The following AUTS2 variants were observed in gnomAD, a reference collection of about 807,000 sequenced individuals.
AUTS2 encodes autism susceptibility gene 2 protein.
AUTS2 carries 17 observed loss-of-function variants against 112.4 expected under a neutral mutation model. That is an observed-to-expected ratio of 0.15 (90% CI 0.10 to 0.23). The LOEUF (loss-of-function observed/expected upper bound fraction) is 0.23. Ranked by LOEUF, AUTS2 falls within the 10% of genes least tolerant of loss-of-function variation. The pLI, the probability that AUTS2 is intolerant of heterozygous loss-of-function variation, is 1.00. For synonymous variants in AUTS2, 751 were observed against 702.7 expected (o/e 1.07, Z -1.09); for missense variants, 1,510 against 1,701.6 (o/e 0.89, Z 1.98).
At chr7:69,625,557 G>A (rs564299531) in intron 1 of AUTS2, among the ~76,000 whole-genome samples, 67 of 152,232 alleles carry the variant, frequency 4.4e-4, no homozygotes, top group Admixed American at 6.5e-4. Context: ...AAACATGACG[G>A]ATTTCGAAAG....
intron 2 of AUTS2, among the ~76,000 whole-genome samples, chr7:69,947,073 C>T (rs1402799255): frequency 1.3e-5 from 2 of 152,260 alleles, no homozygotes; most frequent in South Asian, 2.1e-4. Flanking sequence ...TGCTTGTTGT[C>T]GTTACAGATG....
intron 4 of AUTS2, among the ~76,000 whole-genome samples, chr7:70,253,530 G>T (rs1252358493): frequency 6.6e-6 from 1 of 152,104 alleles, no homozygotes; most frequent in Non-Finnish European, 1.5e-5. Context: ...AGAACTTTGT[G>T]TGAGTATTGC....
At chr7:70,695,910 A>G (rs1233380427) in intron 5 of AUTS2, among the ~76,000 whole-genome samples, 1 of 152,192 alleles carries the variant, frequency 6.6e-6, no homozygotes, top group Non-Finnish European at 1.5e-5. Flanking sequence ...GATGAAAGGA[A>G]GTGAGTAAAA....
chr7:70,210,114 G>C (rs1396085944), intron 4 of AUTS2, among the ~76,000 whole-genome samples: 3 of 152,206 alleles, frequency 2.0e-5, no homozygotes, highest in South Asian at 2.1e-4. Context: ...GTCATTTGCT[G>C]GGGACCTTTT....
At chr7:70,495,084 T>A (rs1415577349) in intron 5 of AUTS2, among the ~76,000 whole-genome samples, 3 of 152,146 alleles carry the variant, frequency 2.0e-5, no homozygotes, top group Admixed American at 6.5e-5. Flanking sequence ...GAGTATTTTA[T>A]ATAAATAGAC....
At chr7:70,353,994 T>C (rs1181688357) in intron 4 of AUTS2, among the ~76,000 whole-genome samples, 1 of 152,238 alleles carries the variant, frequency 6.6e-6, no homozygotes, top group Non-Finnish European at 1.5e-5. Context: ...GAGTTATTAG[T>C]TATCAAAAAT....
rs962464114 is a variant in AUTS2 at position 70,295,104 on chromosome 7, A to C, written c.661-140648A>C. On this transcript the variant is annotated intron_variant, in intron 4 of 18. Transcript: ENST00000342771. ...GTGTATTCTCTATTTTTCTGCTCCC[A>C]GCTCATAAAATAGAATTGGAGTTTA... is the stretch of plus-strand genomic sequence containing the variant. 7.9e-5 allele frequency among the ~76,000 whole-genome samples: 12 copies of C among 152,342 alleles called. No individual in the cohort carries two copies. In the South Asian group the frequency reaches 2.3e-3, roughly 29 times the overall value.
At chr7:69,648,805 A>C (rs751325845) in intron 1 of AUTS2, among the ~76,000 whole-genome samples, 3 of 152,212 alleles carry the variant, frequency 2.0e-5, no homozygotes, top group Non-Finnish European at 4.4e-5. Flanking sequence ...GTGAAGATTA[A>C]TATCTGCCAG....
intron 4 of AUTS2, among the ~76,000 whole-genome samples, chr7:70,336,710 C>A (rs953269865): frequency 6.6e-6 from 1 of 151,588 alleles, no homozygotes; most frequent in East Asian, 1.9e-4. Flanking sequence ...AGCTGTGAAA[C>A]CACCGAGCAC....
intron 1 of AUTS2, among the ~76,000 whole-genome samples, chr7:69,650,300 A>G (rs961531765): frequency 1.3e-5 from 2 of 152,278 alleles, no homozygotes; most frequent in South Asian, 2.1e-4. Flanking sequence ...CTTTCTATCA[A>G]TAAGAAATAA....
chr7:70,631,606 A>G lies in AUTS2; in HGVS notation c.691-66963A>G, dbSNP rs928094389. ...AGATGTTCTCAGCACCATTTTAGCG[A>G]CAAGGGCAGCTATGAAAATGGCCCA... On this transcript the variant is annotated intron_variant, in intron 5 of 18. Transcript: ENST00000342771. The surrounding 1 kb of genome is among the most constrained non-coding windows in gnomAD (Gnocchi z 4.5). Among the ~76,000 whole-genome samples the G allele has an allele frequency of 4.6e-5, 7 of 152,138 alleles. No individual in the cohort carries two copies. The highest frequency in any genetic ancestry group is 1.0e-4 in the Non-Finnish European group (7 of 68,034).
chr7:70,429,533 G>A (rs1271443116), intron 4 of AUTS2, among the ~76,000 whole-genome samples: 6 of 152,202 alleles, frequency 3.9e-5, no homozygotes, highest in South Asian at 2.1e-4. Flanking sequence ...ATGACTGAGC[G>A]TGAGTGGGCG....
chr7:70,013,373 C>A (rs1455487220), intron 2 of AUTS2, among the ~76,000 whole-genome samples: 1 of 152,188 alleles, frequency 6.6e-6, no homozygotes, highest in African/African-American at 2.4e-5. Context: ...AGCCTGGGAG[C>A]TGGAGGTGGG....
At chr7:70,332,057 A>G (rs1319157532) in intron 4 of AUTS2, among the ~76,000 whole-genome samples, 1 of 152,318 alleles carries the variant, frequency 6.6e-6, no homozygotes, top group East Asian at 1.9e-4. Flanking sequence ...GTATATTTAG[A>G]AAACCCCATT....
chr7:69,798,902 G>T (rs769076308), intron 1 of AUTS2, among the ~76,000 whole-genome samples: 1 of 151,820 alleles, frequency 6.6e-6, no homozygotes, highest in Non-Finnish European at 1.5e-5. Context: ...GAGGTGGTTG[G>T]ACTGCTTGAG....
At chr7:69,808,155 T>C (rs1790392007) in intron 1 of AUTS2, among the ~76,000 whole-genome samples, 1 of 152,186 alleles carries the variant, frequency 6.6e-6, no homozygotes, top group South Asian at 2.1e-4. Context: ...CTTGAACTCC[T>C]GACCTCAGGT....
intron 1 of AUTS2, among the ~76,000 whole-genome samples, chr7:69,651,389 G>C (rs1795280831): frequency 2.6e-5 from 4 of 152,184 alleles, no homozygotes; most frequent in Non-Finnish European, 5.9e-5. Flanking sequence ...GCACCAGGAA[G>C]GTGGCCATTT....
At chr7:70,407,223 A>C (rs10447532) in intron 4 of AUTS2, among the ~76,000 whole-genome samples, 7,668 of 152,234 alleles carry the variant, frequency 0.05, 288 homozygotes, top group Middle Eastern at 0.12. Context: ...AAGATTTTGG[A>C]ATCATAATCA....
At chr7:70,367,491 G>A (rs1792633353) in intron 4 of AUTS2, among the ~76,000 whole-genome samples, 2 of 151,664 alleles carry the variant, frequency 1.3e-5, no homozygotes, top group Non-Finnish European at 2.9e-5. Context: ...ATGAGGCGGA[G>A]CTTGCAGTGA....
Sources: gnomAD v4.1 joint callset for allele counts (sites outside exome capture counted in the v4.1 genomes callset) on GRCh38, gnomAD v4.1.1 for gene constraint, Gnocchi (gnomAD v3.1) non-coding constraint, MANE v1.5 for transcripts, NCBI Gene and HGNC (gene_info 2026-07-23, HGNC 2026-07-21) for gene names.